Variants in KDM5A observed in about 807,000 individuals in gnomAD.
The protein encoded by KDM5A is lysine demethylase 5A, also known as lysine-specific demethylase 5A.
In KDM5A, 42 loss-of-function variants were observed where a neutral mutation model predicts 193.5. The observed-to-expected ratio is 0.22, with a 90% CI of 0.17 to 0.28. The LOEUF is 0.28. KDM5A is among the 10% of genes least tolerant of loss of function. The probability of loss-of-function intolerance (pLI) is 1.00; values close to 1 mark genes in which losing one functional copy is unlikely to be tolerated. For missense variants in KDM5A, 1,692 were observed against 2,055.1 expected, an observed-to-expected ratio of 0.82 and a Z score of 3.42; for synonymous variants, 796 against 718.1, an observed-to-expected ratio of 1.11 and a Z score of -1.73.
At chr12:289,866 A>C (rs910819014) in intron 27 of KDM5A, among the ~76,000 whole-genome samples, 1 of 151,370 alleles carries the variant, frequency 6.6e-6, no homozygotes, top group African/African-American at 2.4e-5. Flanking sequence ...TGGTATCTTA[A>C]AGAACAAACT....
chr12:282,714 G>C lies in KDM5A; in HGVS notation c.*2742C>G, dbSNP rs1404380885. ...CTAATGATGAAGAATTGCAACTTCA[G>C]TTGCAGTTTAGAGGAGATAAGGGTA... On this transcript the variant is annotated 3_prime_UTR_variant, in exon 28 of 28. Coordinates refer to ENST00000399788, the MANE Select transcript of KDM5A (RefSeq NM_001042603.3). 8.6e-6 allele frequency: 2 copies of C among 232,756 alleles called. No homozygotes were observed. The highest frequency in any genetic ancestry group is 1.7e-5 in the Non-Finnish European group (2 of 117,842). The allele number at this position is 232,756 out of a possible 1,614,324, so 14.4% of individuals were successfully genotyped here. A position where few individuals can be genotyped will look rare whatever the true frequency, so the allele number is the denominator to read the frequency against.
At chr12:327,308 A>G (rs992383768) in intron 14 of KDM5A, among the ~76,000 whole-genome samples, 3 of 152,240 alleles carry the variant, frequency 2.0e-5, no homozygotes, top group Non-Finnish European at 4.4e-5. Context: ...GTATTTCATG[A>G]GTCTCCACCA....
intron 24 of KDM5A, among the ~76,000 whole-genome samples, chr12:303,307 ATATACCATGG>A (rs1943468243): frequency 1.3e-5 from 2 of 152,230 alleles, no homozygotes; most frequent in Non-Finnish European, 2.9e-5. Context: ...TGCAGCACAT[ATATACCATGG>A]AATACTACGT....
In KDM5A at chr12:318,359, A is replaced by C; in HGVS notation, c.2644T>G (p.Ser882Ala). ...SKLQMLIDMG[S>A]SLYVELPELP... ...TCAGGGAGTTCCACATAGAGACTAG[A>C]GCCCATATCTATCAACATCTGGAGT... is the stretch of plus-strand genomic sequence containing the variant. Residue 882 changes from serine (S) to alanine (A), a missense_variant, in exon 19 of 28, where the codon TCT becomes GCT. This residue lies in a region of KDM5A where 965 missense variants were observed against 1,061.0 expected (regional missense o/e 0.91). Transcript: ENST00000399788. 6.2e-7 allele frequency: 1 copy of C among 1,614,172 alleles called. No homozygotes were observed. Among genetic ancestry groups the C allele is most frequent in the Non-Finnish European group, 8.5e-7 (1 of 1,179,996 alleles).
At position 340,694 on chromosome 12, in the gene KDM5A, C is replaced by CAAAAA. The variant is rs375465074; in HGVS notation, c.1309-6277_1309-6273dup. On this transcript the variant is annotated intron_variant, in intron 10 of 27. Transcript: ENST00000399788. ...CAGGCAACAGTGCGAGACTCCATCA[C>CAAAAA]AAAAAAAAAAAAAAAAAAAAAAAAA... Among the ~76,000 whole-genome samples the CAAAAA allele has an allele frequency of 2.0e-3, 101 of 50,962 alleles. 2 individuals carry two copies. The highest frequency in any genetic ancestry group is 6.8e-3 in the East Asian group (10 of 1,474). 33.4% of individuals were successfully genotyped at this position (50,962 alleles called of 152,430 possible). A position where few individuals can be genotyped will look rare whatever the true frequency, so the allele number is the denominator to read the frequency against.
chr12:356,030 C>A (rs916613445), intron 6 of KDM5A, among the ~76,000 whole-genome samples: 1 of 152,144 alleles, frequency 6.6e-6, no homozygotes, highest in African/African-American at 2.4e-5. Context: ...AGGGCAATTA[C>A]TTTAAAAATT....
intron 14 of KDM5A, among the ~76,000 whole-genome samples, chr12:324,306 A>C (rs1452452923): frequency 1.3e-5 from 2 of 152,154 alleles, no homozygotes; most frequent in Non-Finnish European, 2.9e-5. Flanking sequence ...TCTAAAAAAA[A>C]AGAATGCGAT....
intron 1 of KDM5A, chr12:387,334 A>G (rs962088168): frequency 1.0e-5 from 3 of 293,724 alleles, no homozygotes; most frequent in Non-Finnish European, 2.0e-5. Context: ...ATAAAGAGAA[A>G]GCATTATTTC....
chr12:312,911 T>C, intron 20 of KDM5A, 145 bp downstream of exon 20: 2 of 968,778 alleles, frequency 2.1e-6, no homozygotes, highest in East Asian at 5.2e-5. Flanking sequence ...TTTCGCACCA[T>C]CATAAAGTCT....
chr12:356,892 G>C (rs577206773), intron 5 of KDM5A, among the ~76,000 whole-genome samples: 1 of 152,200 alleles, frequency 6.6e-6, no homozygotes, highest in Non-Finnish European at 1.5e-5. Flanking sequence ...AACTGTGACT[G>C]TCCTAAGCCA....
intron 17 of KDM5A, 88 bp downstream of exon 17, chr12:322,329 G>C (rs1943727612): frequency 1.6e-6 from 2 of 1,213,204 alleles, no homozygotes; most frequent in South Asian, 2.5e-5. Flanking sequence ...CAAAGATAAT[G>C]TACGGCTTCA....
intron 13 of KDM5A, among the ~76,000 whole-genome samples, chr12:330,918 T>C (rs1943856559): frequency 6.6e-6 from 1 of 152,172 alleles, no homozygotes; most frequent in Non-Finnish European, 1.5e-5. Flanking sequence ...AGTCAGTGTG[T>C]ATCATAAATA....
At chr12:289,151 G>A (rs989624196) in intron 27 of KDM5A, among the ~76,000 whole-genome samples, 5 of 151,908 alleles carry the variant, frequency 3.3e-5, no homozygotes, top group Non-Finnish European at 5.9e-5. Context: ...TAAAGGAAAA[G>A]GCCAACAATA....
intron 3 of KDM5A, among the ~76,000 whole-genome samples, chr12:370,725 CACTT>C (rs936533560): frequency 6.6e-6 from 1 of 152,080 alleles, no homozygotes; most frequent in African/African-American, 2.4e-5. Context: ...ATTAACTAAT[CACTT>C]ACATTAGGTA....
rs377135332 is a variant in KDM5A at position 363,094 on chromosome 12, C to T, written c.541G>A (p.Val181Met). 284 of 1,614,000 alleles carry T rather than the reference C, an allele frequency of 1.8e-4. No homozygotes were observed. The South Asian group carries it at 2.4e-3, about 13-fold the overall frequency. ...TTAAGATCTAAATTAGGCATCTGCACACCCTAAAAGATCAGAGCACAGAAA... is the reference window on the plus strand; with the variant it reads ...TTAAGATCTAAATTAGGCATCTGCATACCCTAAAAGATCAGAGCACAGAAA... ...LFQSGVSLMGVQMPNLDLKEK... is the reference protein window; with the variant it reads ...LFQSGVSLMGMQMPNLDLKEK... Residue 181 changes from valine (V) to methionine (M), a missense_variant, in exon 5 of 28, where the codon GTG becomes ATG. Around this residue, in one of 11 missense-constraint regions of KDM5A, gnomAD observed 120 missense variants for 172.0 expected, o/e 0.70. Coordinates refer to ENST00000399788, the MANE Select transcript of KDM5A (RefSeq NM_001042603.3).
At position 298,046 on chromosome 12, in the gene KDM5A, C is replaced by T. The variant is rs570775720; in HGVS notation, c.4075-846G>A. 7.9e-5 allele frequency among the ~76,000 whole-genome samples: 12 copies of T among 152,360 alleles called. No individual in the cohort carries two copies. The South Asian group carries it at 2.3e-3, about 29-fold the overall frequency. The stretch of plus-strand genomic sequence containing the variant: ...CTGAAAAAAAGGCAGCAGCCCCAGT[C>T]AGGGACTTATAGATAAAACCCCCAG... On this transcript the variant is annotated intron_variant, in intron 24 of 27. Coordinates refer to ENST00000399788, the MANE Select transcript of KDM5A (RefSeq NM_001042603.3).
chr12:323,057 T>C (rs753771221), intron 16 of KDM5A, 25 bp downstream of exon 16: 1 of 1,613,008 alleles, frequency 6.2e-7, no homozygotes, highest in South Asian at 1.1e-5. Flanking sequence ...ATTCAGTATA[T>C]GCATACAAAA....
At chr12:293,832 C>T (rs1487567711) in intron 26 of KDM5A, among the ~76,000 whole-genome samples, 1 of 132,926 alleles carries the variant, frequency 7.5e-6, no homozygotes, top group East Asian at 2.1e-4. Flanking sequence ...ATTCAAAAGA[C>T]ATTTTAAGAA....
At chr12:288,475 AAG>A (rs376712185) in intron 27 of KDM5A, among the ~76,000 whole-genome samples, 1 of 152,246 alleles carries the variant, frequency 6.6e-6, no homozygotes, top group African/African-American at 2.4e-5. Flanking sequence ...ATATATTAAA[AAG>A]AGGAAATATT....
Sources: allele counts gnomAD v4.1 joint callset (sites outside exome capture counted in the v4.1 genomes callset), GRCh38; gene constraint gnomAD v4.1.1; regional missense constraint gnomAD v4.1.1; transcripts MANE v1.5; gene names NCBI Gene and HGNC (gene_info 2026-07-23, HGNC 2026-07-21).